Variants in ZPBP observed in about 807,000 individuals in gnomAD.
The protein encoded by ZPBP is zona pellucida binding protein, also known as zona pellucida-binding protein 1.
Under a neutral mutation model 44.8 loss-of-function variants are expected in ZPBP, and 26 were observed. The observed-to-expected ratio is 0.58, with a 90% CI of 0.43 to 0.81. ZPBP has a LOEUF of 0.81. Among genes scored for constraint, ZPBP ranks in the 30% least tolerant of loss-of-function variants. ZPBP has a pLI of 0.00. For synonymous variants in ZPBP, 174 were observed against 153.2 expected, an observed-to-expected ratio of 1.14 and a Z score of -1.00; for missense variants, 409 against 434.0, an observed-to-expected ratio of 0.94 and a Z score of 0.51.
At chr7:49,942,264 T>C (rs992516363) in intron 7 of ZPBP, 3 of 214,918 alleles carry the variant, frequency 1.4e-5, no homozygotes, top group Non-Finnish European at 2.8e-5. Context: ...ATATCTGAAT[T>C]TTTGTGTTTC....
chr7:50,088,580 C>T (rs1041515839), intron 2 of ZPBP, among the ~76,000 whole-genome samples: 4 of 151,518 alleles, frequency 2.6e-5, no homozygotes, highest in African/African-American at 9.7e-5. Context: ...AGAAAACCAC[C>T]AAATTTAAAA....
At position 49,946,674 on chromosome 7, in the gene ZPBP, G is replaced by A. The variant is rs565457482; in HGVS notation, c.962-9052C>T. Among the ~76,000 whole-genome samples the A allele has an allele frequency of 3.2e-4, 49 of 152,208 alleles. 1 individual carries two copies. Among genetic ancestry groups the A allele is most frequent in the Middle Eastern group, 6.8e-3 (2 of 294 alleles). ...GTTGACTATTAAATGTCTTGAGGTA[G>A]TCTCACCTGGGTTAAAGTTGCTTGG... On this transcript the variant is annotated intron_variant, in intron 7 of 7. Coordinates refer to ENST00000046087, the MANE Select transcript of ZPBP (RefSeq NM_007009.3).
At chr7:49,996,916 C>T (rs1200069366) in intron 6 of ZPBP, among the ~76,000 whole-genome samples, 1 of 152,188 alleles carries the variant, frequency 6.6e-6, no homozygotes, top group East Asian at 1.9e-4. Flanking sequence ...GAGTTTCTCA[C>T]TTAGTCTCTG....
At chr7:50,032,857 G>A (rs184236030) in intron 4 of ZPBP, among the ~76,000 whole-genome samples, 5 of 152,256 alleles carry the variant, frequency 3.3e-5, no homozygotes, top group Middle Eastern at 3.4e-3. Context: ...TCTTCAAGAT[G>A]ATTCATGGAA....
At chr7:49,953,234 GGA>G (rs1795426413) in intron 7 of ZPBP, among the ~76,000 whole-genome samples, 1 of 152,104 alleles carries the variant, frequency 6.6e-6, no homozygotes, top group African/African-American at 2.4e-5. Flanking sequence ...GTCCCAGAGA[GGA>G]GATAGCAACA....
At chr7:50,007,120 G>T (rs1472334919) in intron 6 of ZPBP, among the ~76,000 whole-genome samples, 1 of 151,792 alleles carries the variant, frequency 6.6e-6, no homozygotes, top group Non-Finnish European at 1.5e-5. Context: ...AACAGACAGT[G>T]AGCCCTCACA....
chr7:50,016,551 GA>G (rs1456056575), intron 6 of ZPBP, among the ~76,000 whole-genome samples: 1 of 151,906 alleles, frequency 6.6e-6, no homozygotes, highest in Non-Finnish European at 1.5e-5. Flanking sequence ...GAATGTAAAA[GA>G]AAAAAGAATA....
chr7:49,904,138 G>T (rs142398521), intron 1 of ZPBP, among the ~76,000 whole-genome samples: 2,516 of 152,276 alleles, frequency 0.017, 243 homozygotes, highest in Admixed American at 0.14. Context: ...AGTAGTTCCT[G>T]CTGGCATTGA....
At chr7:49,944,206 G>A (rs1027886762) in intron 7 of ZPBP, 1 of 352,046 alleles carries the variant, frequency 2.8e-6, no homozygotes, top group Non-Finnish European at 5.4e-6. Flanking sequence ...CAAACTATTT[G>A]ATATTTGGCT....
intron 4 of ZPBP, among the ~76,000 whole-genome samples, chr7:50,052,122 A>C (rs1800727473): frequency 6.6e-6 from 1 of 152,216 alleles, no homozygotes; most frequent in African/African-American, 2.4e-5. Flanking sequence ...AGGCTCTGCA[A>C]ACATCCTGTC....
intron 6 of ZPBP, among the ~76,000 whole-genome samples, chr7:50,007,969 A>T (rs1798387981): frequency 6.6e-6 from 1 of 152,124 alleles, no homozygotes; most frequent in Non-Finnish European, 1.5e-5. Context: ...TAAGACGAAG[A>T]TGCCTGATTT....
rs528676269 is a variant in ZPBP, at chr7:49,879,574, A to G, written n.509+21544T>C. The stretch of plus-strand genomic sequence containing the variant: ...CCACTTCTGTTTCACTCCTAGTTCC[A>G]GAACGCAGCACTTCTGGGTCCTGAC... On this transcript the variant is annotated intron_variant and non_coding_transcript_variant, in intron 2 of 2. Transcript: ENST00000465922. Among the ~76,000 whole-genome samples, 66 of 152,290 alleles carry G rather than the reference A, an allele frequency of 4.3e-4. 1 individual carries two copies. In the South Asian group the frequency reaches 0.013, roughly 31 times the overall value.
At chr7:50,086,794 A>G (rs893005684) in intron 2 of ZPBP, among the ~76,000 whole-genome samples, 2 of 152,048 alleles carry the variant, frequency 1.3e-5, no homozygotes, top group African/African-American at 2.4e-5. Context: ...ATCGCAAAAA[A>G]TCCCAAATTT....
chr7:50,003,724 TCTC>T (rs1798189350), intron 6 of ZPBP, among the ~76,000 whole-genome samples: 1 of 152,098 alleles, frequency 6.6e-6, no homozygotes, highest in African/African-American at 2.4e-5. Flanking sequence ...GGGAAGTACT[TCTC>T]CTGCACTAAG....
At chr7:50,071,764 C>T (rs1443221433) in intron 3 of ZPBP, among the ~76,000 whole-genome samples, 1 of 152,104 alleles carries the variant, frequency 6.6e-6, no homozygotes, top group African/African-American at 2.4e-5. Flanking sequence ...TAGACATACC[C>T]TGGGCCAGAA....
intron 2 of ZPBP, among the ~76,000 whole-genome samples, chr7:49,859,125 C>T (rs1562736218): frequency 1.3e-5 from 2 of 152,192 alleles, no homozygotes; most frequent in South Asian, 2.1e-4. Context: ...GAGAATTTCA[C>T]TGATGGGGCA....
intron 2 of ZPBP, among the ~76,000 whole-genome samples, chr7:49,864,512 G>A (rs1050839980): frequency 2.0e-5 from 3 of 152,156 alleles, no homozygotes; most frequent in Non-Finnish European, 4.4e-5. Context: ...CTCTTTCTGG[G>A]CTCTTTCTCC....
chr7:50,039,732 T>C (rs1799978976), intron 4 of ZPBP, among the ~76,000 whole-genome samples: 1 of 152,152 alleles, frequency 6.6e-6, no homozygotes, highest in African/African-American at 2.4e-5. Flanking sequence ...TATAAATATA[T>C]ACTTCCTCTC....
At chr7:49,943,875 C>T (rs1439407901) in intron 7 of ZPBP, 1 of 260,840 alleles carries the variant, frequency 3.8e-6, no homozygotes. Context: ...ATTTATCCCA[C>T]CAGTGTCTTC....
Sources: gnomAD v4.1 joint callset for allele counts (sites outside exome capture counted in the v4.1 genomes callset) on GRCh38, gnomAD v4.1.1 for gene constraint, MANE v1.5 for transcripts, NCBI Gene and HGNC (gene_info 2026-07-23, HGNC 2026-07-21) for gene names.